ZNF467: variants seen among roughly 807,000 people sequenced by gnomAD.
ZNF467 encodes zinc finger protein 467, also known as zinc finger protein EZI.
ZNF467 carries 51 observed loss-of-function variants against 47.8 expected under a neutral mutation model. That is an observed-to-expected ratio of 1.07 (90% CI 0.85 to 1.35). ZNF467 has a LOEUF of 1.35. Ranked by LOEUF, ZNF467 falls within the 40% of genes most tolerant of loss-of-function variation. ZNF467 has a pLI of 0.00. For missense variants in ZNF467, 992 were observed against 858.1 expected, an observed-to-expected ratio of 1.16 and a Z score of -1.95; for synonymous variants, 416 against 372.9, an observed-to-expected ratio of 1.12 and a Z score of -1.33.
intron 4 of ZNF467, among the ~76,000 whole-genome samples, chr7:149,768,243 G>T (rs147734474): frequency 1.3e-5 from 2 of 152,152 alleles, no homozygotes; most frequent in Admixed American, 6.5e-5. Context: ...CTCTTCTGAG[G>T]TATGGACATT....
In ZNF467 at chr7:149,764,355, C is replaced by A; in HGVS notation, c.*359G>T. ...TCCCTCCCCCAATTCATTTAGCAGCCCCAGAACTTTCCGATTTTAACTTTA... is the reference window on the plus strand; with the variant it reads ...TCCCTCCCCCAATTCATTTAGCAGCACCAGAACTTTCCGATTTTAACTTTA... On this transcript the variant is annotated 3_prime_UTR_variant, in exon 5 of 5. Transcript: ENST00000302017. 1 of 552,088 alleles carries A rather than the reference C, an allele frequency of 1.8e-6. No homozygotes were observed. Among genetic ancestry groups the A allele is most frequent in the Non-Finnish European group, 3.2e-6 (1 of 313,798 alleles). The allele number at this position is 552,088 out of a possible 1,614,324, so 34.2% of individuals were successfully genotyped here.
intron 4 of ZNF467, among the ~76,000 whole-genome samples, chr7:149,766,677 C>T (rs1425696392): frequency 6.6e-6 from 1 of 152,220 alleles, no homozygotes; most frequent in Non-Finnish European, 1.5e-5. Flanking sequence ...GCTTTCTCAC[C>T]ACACACCTGA....
At chr7:149,770,617 G>T (rs1159208631) in intron 2 of ZNF467, 61 bp from the exon 3 acceptor site, 2 of 1,435,190 alleles carry the variant, frequency 1.4e-6, no homozygotes, top group Non-Finnish European at 1.9e-6. Context: ...GTAATCAGAG[G>T]CGGGGGCTGT....
In ZNF467 at chr7:149,766,232, C is replaced by T; in HGVS notation, c.270G>A (p.Glu90=). The change falls in exon 5 of 5, where the codon GAG becomes GAA. Residue 90 remains glutamate, a synonymous_variant. Coordinates refer to ENST00000302017, the MANE Select transcript of ZNF467 (RefSeq NM_207336.3). Reference sequence around the variant, plus strand: ...CCACCTTCACCTTCCGAATCATCCACTCCTCTCCTGGAAAGTCAAAACAAG... The same window carrying T: ...CCACCTTCACCTTCCGAATCATCCATTCCTCTCCTGGAAAGTCAAAACAAG... ...AQPVGTCPGE[E]WMIRKVKVED... The T allele has an allele frequency of 6.6e-7, 1 of 1,518,012 alleles. No individual in the cohort carries two copies. Among genetic ancestry groups the T allele is most frequent in the South Asian group, 1.3e-5 (1 of 76,400 alleles). 94.0% of individuals were successfully genotyped at this position (1,518,012 alleles called of 1,614,324 possible). A position where few individuals can be genotyped will look rare whatever the true frequency, so the allele number is the denominator to read the frequency against.
chr7:149,765,962 CCGCTGGTGCAGT>C lies in ZNF467; in HGVS notation c.528_539del (p.Gln179_His182del), dbSNP rs759018509. On this transcript the variant is annotated inframe_deletion, in exon 5 of 5. Coordinates refer to ENST00000302017, the MANE Select transcript of ZNF467 (RefSeq NM_207336.3). The stretch of plus-strand genomic sequence containing the variant: ...CGCAGGGGCCCTCGCCCCGGTGCAG[CCGCTGGTGCAGT>C]CGCAACGTCAGCTGGTCCCGGAAGC... 7 of 1,553,190 alleles carry C rather than the reference CCGCTGGTGCAGT, an allele frequency of 4.5e-6. No homozygotes were observed. Among genetic ancestry groups the C allele is most frequent in the Admixed American group, 3.9e-5 (2 of 51,374 alleles).
At position 149,765,482 on chromosome 7, in the gene ZNF467, G is replaced by A. The variant is rs539610352; in HGVS notation, c.1020C>T (p.Ser340=). 23 of 1,585,896 alleles carry A rather than the reference G, an allele frequency of 1.5e-5. No individual in the cohort carries two copies. The highest frequency in any genetic ancestry group is 2.3e-5 in the East Asian group (1 of 43,928). ...PSPDSSASPH[S]TAPSPTPSFP... is the part of the protein sequence containing the mutation. ...AGGATGGGGTCGGGGACGGGGCAGTGGAATGAGGAGAAGCGGACGAGTCGG... is the reference window on the plus strand; with the variant it reads ...AGGATGGGGTCGGGGACGGGGCAGTAGAATGAGGAGAAGCGGACGAGTCGG... The change falls in exon 5 of 5, where the codon TCC becomes TCT. Residue 340 remains serine, a synonymous_variant. Transcript: ENST00000302017.
chr7:149,767,025 C>T (rs1228965693), intron 4 of ZNF467, among the ~76,000 whole-genome samples: 2 of 152,226 alleles, frequency 1.3e-5, no homozygotes, highest in African/African-American at 2.4e-5. Context: ...CAGGGGATTC[C>T]GCTGGAGTGT....
Position 149,764,619 on chromosome 7 carries a change from G to C in ZNF467, c.*95C>G. The C allele has an allele frequency of 6.5e-7, 1 of 1,549,050 alleles. No individual in the cohort carries two copies. The highest frequency in any genetic ancestry group is 1.4e-5 in the African/African-American group (1 of 73,250). On this transcript the variant is annotated 3_prime_UTR_variant, in exon 5 of 5. Transcript: ENST00000302017. Reference sequence around the variant, plus strand: ...GTGTCCCGCGGCGGCCAAACCTTCGGGCAGCAGCCCAGGTCGCCTTGCTCA... The same window carrying C: ...GTGTCCCGCGGCGGCCAAACCTTCGCGCAGCAGCCCAGGTCGCCTTGCTCA...
chr7:149,768,366 A>G (rs1799284915), intron 4 of ZNF467, among the ~76,000 whole-genome samples: 2 of 152,232 alleles, frequency 1.3e-5, no homozygotes, highest in South Asian at 4.1e-4. Flanking sequence ...TTGTACACAC[A>G]CTGTCACAAA....
chr7:149,767,172 C>T (rs1452117954), intron 4 of ZNF467, among the ~76,000 whole-genome samples: 1 of 152,224 alleles, frequency 6.6e-6, no homozygotes, highest in African/African-American at 2.4e-5. Flanking sequence ...CTTTGAGTTA[C>T]ATTTCTTAGT....
At position 149,765,999 on chromosome 7, in the gene ZNF467, C is replaced by G. The variant is rs1563078528; in HGVS notation, c.503G>C (p.Arg168Pro). 1 of 1,560,810 alleles carries G rather than the reference C, an allele frequency of 6.4e-7. No individual in the cohort carries two copies. The highest frequency in any genetic ancestry group is 8.7e-7 in the Non-Finnish European group (1 of 1,153,178). ...TCGCAACGTCAGCTGGTCCCGGAAG[C>G]GCCGCTCACACTCCCCGCAGCCGTA... ...KPYGCGECERRFRDQLTLRLH... is the reference protein window; with the variant it reads ...KPYGCGECERPFRDQLTLRLH... Residue 168 changes from arginine to proline, a missense_variant, in exon 5 of 5, where the codon CGC (arginine) becomes CCC (proline). Transcript: ENST00000302017.
In ZNF467 at chr7:149,765,924, C is replaced by T. The variant is rs1199926663; in HGVS notation, c.578G>A (p.Cys193Tyr). ...GGCGCGCTGCGTGAAGCTGCGGCCGCAGTCCGGGCAGGCGCAGGGGCCCTC... is the reference window on the plus strand; with the variant it reads ...GGCGCGCTGCGTGAAGCTGCGGCCGTAGTCCGGGCAGGCGCAGGGGCCCTC... Reference protein sequence around the residue: ...RGEGPCACPDCGRSFTQRAHM... With the variant: ...RGEGPCACPDYGRSFTQRAHM... Residue 193 changes from cysteine to tyrosine, a missense_variant, in exon 5 of 5, where the codon TGC (cysteine) becomes TAC (tyrosine). Physicochemically the swap from Cys to Tyr is radical, Grantham distance 194. Transcript: ENST00000302017. 3 of 1,556,936 alleles carry T rather than the reference C, an allele frequency of 1.9e-6. No homozygotes were observed. The highest frequency in any genetic ancestry group is 2.7e-5 in the African/African-American group (2 of 73,340).
Position 149,765,494 on chromosome 7 carries a change from A to G in ZNF467, c.1008T>C (p.Ala336=). The change falls in exon 5 of 5, where the codon GCT becomes GCC. Residue 336 remains alanine (A), a synonymous_variant. Transcript: ENST00000302017. ...GGGACGGGGCAGTGGAATGAGGAGAAGCGGACGAGTCGGGAGAGGGCCTGG... is the reference window on the plus strand; with the variant it reads ...GGGACGGGGCAGTGGAATGAGGAGAGGCGGACGAGTCGGGAGAGGGCCTGG... ...GPARPSPDSS[A]SPHSTAPSPT... The G allele has an allele frequency of 6.3e-6, 10 of 1,583,936 alleles. No homozygotes were observed. Among genetic ancestry groups the G allele is most frequent in the Non-Finnish European group, 8.6e-6 (10 of 1,166,000 alleles).
rs1799165506 is a variant in ZNF467 at position 149,765,546 on chromosome 7, T to A, written c.956A>T (p.Gln319Leu). 3.2e-6 allele frequency: 5 copies of A among 1,582,076 alleles called. No individual in the cohort carries two copies. The highest frequency in any genetic ancestry group is 4.3e-6 in the Non-Finnish European group (5 of 1,164,210). ...FTHKQHLVRHQRVHQTAGPAR... is the reference protein window; with the variant it reads ...FTHKQHLVRHLRVHQTAGPAR... Reference sequence around the variant, plus strand: ...CGGGCCGGCCGTCTGGTGCACCCTTTGGTGCCGCACCAAGTGCTGCTTGTG... The same window carrying A: ...CGGGCCGGCCGTCTGGTGCACCCTTAGGTGCCGCACCAAGTGCTGCTTGTG... Residue 319 changes from glutamine (Q) to leucine (L), a missense_variant, in exon 5 of 5, where the codon CAA (glutamine) becomes CTA (leucine). Transcript: ENST00000302017.
Position 149,765,854 on chromosome 7 carries a change from G to C in ZNF467, c.648C>G (p.Phe216Leu), listed in dbSNP as rs747006833. The change falls in exon 5 of 5, where the codon TTC becomes TTG. Residue 216 changes from phenylalanine to leucine, a missense_variant. Transcript: ENST00000302017. ...HQRSHRGERPFPCSECDKRFS... is the reference protein window; with the variant it reads ...HQRSHRGERPLPCSECDKRFS... ...AGCGCTTGTCGCACTCGGAGCACGG[G>C]AAAGGCCGCTCGCCGCGGTGGCTGC... The C allele has an allele frequency of 1.9e-6, 3 of 1,605,988 alleles. No homozygotes were observed. The highest frequency in any genetic ancestry group is 2.2e-5 in the East Asian group (1 of 44,452).
intron 3 of ZNF467, among the ~76,000 whole-genome samples, chr7:149,770,233 G>C (rs1799351859): frequency 6.6e-6 from 1 of 151,618 alleles, no homozygotes; most frequent in Non-Finnish European, 1.5e-5. Context: ...AGGGATCTTT[G>C]ACTATTTGGT....
Position 149,765,917 on chromosome 7 carries a change from G to T in ZNF467, c.585C>A (p.Arg195=). The T allele has an allele frequency of 1.3e-6, 2 of 1,562,058 alleles. No homozygotes were observed. The highest frequency in any genetic ancestry group is 8.7e-7 in the Non-Finnish European group (1 of 1,154,410). Residue 195 remains arginine, a synonymous_variant, in exon 5 of 5, where the codon CGC becomes CGA. Coordinates refer to ENST00000302017, the MANE Select transcript of ZNF467 (RefSeq NM_207336.3). ...EGPCACPDCG[R]SFTQRAHMLL... ...GCATGTGGGCGCGCTGCGTGAAGCT[G>T]CGGCCGCAGTCCGGGCAGGCGCAGG... is the stretch of plus-strand genomic sequence containing the variant.
At chr7:149,776,290 G>A, upstream of ZNF467, 3 of 1,320,026 alleles carry the variant, frequency 2.3e-6, no homozygotes, top group South Asian at 1.2e-5. Flanking sequence ...CATAGGACAG[G>A]GCTTTTGGTG....
chr7:149,772,109 C>T (rs1462407324), intron 1 of ZNF467, among the ~76,000 whole-genome samples: 1 of 132,540 alleles, frequency 7.5e-6, no homozygotes, highest in African/African-American at 3.0e-5. Flanking sequence ...CTCCTCCTCT[C>T]AGCTCTTTTC....
Sources: allele counts gnomAD v4.1 joint callset (sites outside exome capture counted in the v4.1 genomes callset), GRCh38; gene constraint gnomAD v4.1.1; transcripts MANE v1.5; gene names NCBI Gene and HGNC (gene_info 2026-07-23, HGNC 2026-07-21).